PALLD: variants seen among roughly 807,000 people sequenced by gnomAD.
PALLD encodes the protein palladin.
A neutral mutation model predicts 123.5 loss-of-function variants in PALLD; 61 were observed. The ratio of observed to expected loss-of-function variants is 0.49; its 90% CI spans 0.40 to 0.61. PALLD has a LOEUF of 0.61. Among genes scored for constraint, PALLD ranks in the 20% least tolerant of loss-of-function variants. The probability of loss-of-function intolerance (pLI) is 0.00; values close to 1 mark genes in which losing one functional copy is unlikely to be tolerated. For missense variants in PALLD, 1,273 were observed against 1,377.0 expected (o/e 0.92, Z 1.20); for synonymous variants, 465 against 496.4 (o/e 0.94, Z 0.84).
chr4:168,556,068 G>C (rs555217286), intron 2 of PALLD, among the ~76,000 whole-genome samples: 8 of 152,132 alleles, frequency 5.3e-5, no homozygotes, highest in African/African-American at 1.4e-4. Context: ...ACATAGTATA[G>C]TCAGTGTTCG....
intron 10 of PALLD, among the ~76,000 whole-genome samples, chr4:168,833,926 A>G: frequency 6.7e-6 from 1 of 149,044 alleles, no homozygotes; most frequent in East Asian, 2.0e-4. Context: ...TGAGGGAGGC[A>G]GTTAATAAAT....
intron 3 of PALLD, among the ~76,000 whole-genome samples, chr4:168,669,920 A>G (rs1780024938): frequency 6.6e-6 from 1 of 152,182 alleles, no homozygotes; most frequent in African/African-American, 2.4e-5. Context: ...TCAAAGTCAC[A>G]CAATAATTTG....
intron 10 of PALLD, among the ~76,000 whole-genome samples, chr4:168,885,055 C>T (rs1753148759): frequency 6.6e-6 from 1 of 152,206 alleles, no homozygotes; most frequent in African/African-American, 2.4e-5. Context: ...AACAAAAAAA[C>T]AGGTTATCAC....
Position 168,511,746 on chromosome 4 carries a change from A to C in PALLD, c.242A>C (p.His81Pro), listed in dbSNP as rs2149427584. Residue 81 changes from histidine (H) to proline (P), a missense_variant, in exon 2 of 22, where the codon CAT becomes CCT. Physicochemically the swap from His to Pro is moderately conservative, Grantham distance 77 (BLOSUM62 -2). Around this residue, in one of 2 missense-constraint regions of PALLD, gnomAD observed 944 missense variants for 954.5 expected, o/e 0.99. Transcript: ENST00000505667. ...GCAAGCCTCTGTGAACATCCTTCCC[A>C]TAAGGAGACCAAATTGGGTGAACAC... is the stretch of plus-strand genomic sequence containing the variant. ...SPASLCEHPS[H>P]KETKLGEHAS... is the part of the protein sequence containing the mutation. 6.2e-7 allele frequency: 1 copy of C among 1,614,192 alleles called. No individual in the cohort carries two copies. The highest frequency in any genetic ancestry group is 2.2e-5 in the East Asian group (1 of 44,878).
intron 2 of PALLD, among the ~76,000 whole-genome samples, chr4:168,553,422 G>T (rs1160026666): frequency 6.6e-6 from 1 of 152,188 alleles, no homozygotes; most frequent in Admixed American, 6.5e-5. Context: ...TGCTACAATT[G>T]AAAATTTTTT....
chr4:168,708,440 G>T (rs1390356091), intron 8 of PALLD, among the ~76,000 whole-genome samples: 3 of 152,156 alleles, frequency 2.0e-5, no homozygotes, highest in African/African-American at 4.8e-5. Flanking sequence ...GCAAGATGTG[G>T]CAGGACCCTC....
intron 2 of PALLD, among the ~76,000 whole-genome samples, chr4:168,543,233 A>G (rs907364369): frequency 1.3e-5 from 2 of 152,016 alleles, no homozygotes; most frequent in African/African-American, 4.8e-5. Flanking sequence ...AGACGATACT[A>G]CTGTTGAGAG....
At chr4:168,924,134 C>G (rs1465492720) in intron 18 of PALLD, 121 bp from the exon 19 acceptor site, 3 of 822,578 alleles carry the variant, frequency 3.6e-6, no homozygotes, top group Admixed American at 4.2e-5. Flanking sequence ...CATCTTACCA[C>G]CTGGAGTAAA....
chr4:168,731,355 A>G (rs1033302363), intron 10 of PALLD, among the ~76,000 whole-genome samples: 1 of 152,200 alleles, frequency 6.6e-6, no homozygotes, highest in African/African-American at 2.4e-5. Flanking sequence ...CTTTCCAGCT[A>G]AAGAAAGCAG....
At chr4:168,635,903 G>T (rs957826689) in intron 2 of PALLD, among the ~76,000 whole-genome samples, 4 of 152,192 alleles carry the variant, frequency 2.6e-5, no homozygotes, top group African/African-American at 9.6e-5. Flanking sequence ...TGTCAAGAAG[G>T]CAACATTGTA....
chr4:168,846,295 C>G (rs1332601141), intron 10 of PALLD, among the ~76,000 whole-genome samples: 1 of 152,156 alleles, frequency 6.6e-6, no homozygotes, highest in East Asian at 1.9e-4. Flanking sequence ...ACGTGGACAA[C>G]TGAAAGTTAA....
At chr4:168,878,165 C>T in intron 10 of PALLD, 6 of 1,493,140 alleles carry the variant, frequency 4.0e-6, no homozygotes, top group Non-Finnish European at 5.3e-6. Context: ...CCCGCCCCCG[C>T]CACCCCCGGT....
At position 168,926,481 on chromosome 4, in the gene PALLD, T is replaced by TGACTA; in HGVS notation, c.*302_*306dup. Reference sequence around the variant, plus strand: ...TATGTAAAAGGCAGAAACATACCTTTGACTATAAGAAATTAAAAAAAAAAC... The same window carrying TGACTA: ...TATGTAAAAGGCAGAAACATACCTTTGACTAGACTATAAGAAATTAAAAAAAAAAC... On this transcript the variant is annotated 3_prime_UTR_variant, in exon 22 of 22. Coordinates refer to ENST00000505667, the MANE Select transcript of PALLD (RefSeq NM_001166108.2). The TGACTA allele has an allele frequency of 1.2e-6, 1 of 801,014 alleles. No individual in the cohort carries two copies. The allele number at this position is 801,014 out of a possible 1,614,324, so 49.6% of individuals were successfully genotyped here. A position where few individuals can be genotyped will look rare whatever the true frequency, so the allele number is the denominator to read the frequency against.
chr4:168,600,143 A>C (rs1433751449), intron 2 of PALLD, among the ~76,000 whole-genome samples: 1 of 151,406 alleles, frequency 6.6e-6, no homozygotes, highest in Admixed American at 6.6e-5. Context: ...ACATATATAC[A>C]TATACACTAT....
intron 10 of PALLD, among the ~76,000 whole-genome samples, chr4:168,733,554 G>A (rs1015973615): frequency 2.4e-5 from 3 of 123,720 alleles, no homozygotes; most frequent in Admixed American, 2.1e-4. Flanking sequence ...TTAAGAAAAT[G>A]TGAAATGTTT....
intron 2 of PALLD, among the ~76,000 whole-genome samples, chr4:168,613,307 A>G (rs755212681): frequency 1.3e-5 from 2 of 152,206 alleles, no homozygotes; most frequent in Non-Finnish European, 1.5e-5. Context: ...AGATGAATAG[A>G]GACACCAAAA....
chr4:168,911,047 A>C (rs1271569691), intron 15 of PALLD, among the ~76,000 whole-genome samples: 1 of 152,208 alleles, frequency 6.6e-6, no homozygotes, highest in Non-Finnish European at 1.5e-5. Context: ...AATAATGATA[A>C]TTTATGATGT....
intron 10 of PALLD, among the ~76,000 whole-genome samples, chr4:168,763,726 G>T (rs563871583): frequency 2.6e-5 from 4 of 152,140 alleles, no homozygotes; most frequent in Non-Finnish European, 5.9e-5. Context: ...CCAGTGCATG[G>T]AGCCATTGTA....
At chr4:168,762,434 G>A (rs1271466342) in intron 10 of PALLD, among the ~76,000 whole-genome samples, 1 of 152,016 alleles carries the variant, frequency 6.6e-6, no homozygotes, top group Non-Finnish European at 1.5e-5. Flanking sequence ...GATTGTGCCT[G>A]TGCACTTCAG....
Sources: allele counts gnomAD v4.1 joint callset (sites outside exome capture counted in the v4.1 genomes callset), GRCh38; gene constraint gnomAD v4.1.1; regional missense constraint gnomAD v4.1.1; transcripts MANE v1.5; gene names NCBI Gene and HGNC (gene_info 2026-07-23, HGNC 2026-07-21).